Variants in PRPF8 observed in about 807,000 individuals in gnomAD.
PRPF8 encodes the protein pre-mRNA processing factor 8, also known as pre-mRNA-processing-splicing factor 8.
Under a neutral mutation model 285.9 loss-of-function variants are expected in PRPF8, and 64 were observed. That is an observed-to-expected ratio of 0.22 (90% CI 0.18 to 0.28). The LOEUF (loss-of-function observed/expected upper bound fraction) is 0.28, where lower values mean the gene tolerates loss of function less well. PRPF8 is among the 10% of genes least tolerant of loss of function. PRPF8 has a pLI of 1.00. For missense variants in PRPF8, 1,426 were observed against 3,026.7 expected (o/e 0.47, Z 12.41); for synonymous variants, 1,325 against 1,118.2 (o/e 1.18, Z -3.69).
chr17:1,684,449 G>T, intron 2 of PRPF8, 23 bp downstream of exon 2: 1 of 1,611,878 alleles, frequency 6.2e-7, no homozygotes, highest in Non-Finnish European at 8.5e-7. Flanking sequence ...CGGCCCGCGC[G>T]CCGCTCCACA....
chr17:1,675,147 C>G lies in PRPF8; in HGVS notation c.3060+5G>C. 6.2e-7 allele frequency: 1 copy of G among 1,613,188 alleles called. No individual in the cohort carries two copies. Among genetic ancestry groups the G allele is most frequent in the Non-Finnish European group, 8.5e-7 (1 of 1,180,016 alleles). On this transcript the variant is annotated splice_donor_5th_base_variant and intron_variant, in intron 20 of 42. Coordinates refer to ENST00000304992, the MANE Select transcript of PRPF8 (RefSeq NM_006445.4). The surrounding 1 kb of genome is among the most constrained non-coding windows in gnomAD (Gnocchi z 6.0). Reference sequence around the variant, plus strand: ...CAATTCCATGCTACTGCGCCTGAGACGCACCTTATAGTTGATGACGACGTT... The same window carrying G: ...CAATTCCATGCTACTGCGCCTGAGAGGCACCTTATAGTTGATGACGACGTT...
chr17:1,655,972 G>A (rs566036705), intron 36 of PRPF8, among the ~76,000 whole-genome samples: 467 of 142,588 alleles, frequency 3.3e-3, no homozygotes, highest in African/African-American at 0.011. Context: ...CCAGGCTGGA[G>A]TGCAATGGTG....
rs766407266 is a variant in PRPF8 at position 1,650,844 on chromosome 17, C to G, written c.6966G>C (p.Glu2322Asp). 4 of 1,614,176 alleles carry G rather than the reference C, an allele frequency of 2.5e-6. No homozygotes were observed. Among genetic ancestry groups the G allele is most frequent in the South Asian group, 2.2e-5 (2 of 91,080 alleles). ...CCCGATCCGCAGAGTAAACCTCCCC[C>G]TCCTGCAGGAGAGCAAAGTTGAGGA... ...SHFLNFALLQ[E>D]GEVYSADRED... The change falls in exon 43 of 43, where the codon GAG becomes GAC. Residue 2322 changes from glutamate to aspartate, a missense_variant. By Grantham distance (45) the Glu-to-Asp change is conservative (BLOSUM62 2). This residue lies in a region of PRPF8 where 59 missense variants were observed against 58.6 expected (regional missense o/e 1.01). Coordinates refer to ENST00000304992, the MANE Select transcript of PRPF8 (RefSeq NM_006445.4).
chr17:1,680,218 A>T (rs991868757), intron 8 of PRPF8, among the ~76,000 whole-genome samples: 3 of 152,226 alleles, frequency 2.0e-5, no homozygotes, highest in African/African-American at 7.2e-5. Flanking sequence ...ATCATATGAA[A>T]TGTGTAGAAT....
chr17:1,677,821 G>T, intron 13 of PRPF8, 127 bp from the exon 14 acceptor site: 1 of 1,263,322 alleles, frequency 7.9e-7, no homozygotes, highest in East Asian at 2.4e-5. Flanking sequence ...GGCAGTAGAG[G>T]GGTAAAAAGA....
At position 1,679,414 on chromosome 17, in the gene PRPF8, G is replaced by C; in HGVS notation, c.1290-4C>G. The C allele has an allele frequency of 1.2e-6, 2 of 1,612,036 alleles. No homozygotes were observed. The highest frequency in any genetic ancestry group is 1.7e-6 in the Non-Finnish European group (2 of 1,179,954). On this transcript the variant is annotated splice_polypyrimidine_tract_variant and splice_region_variant and intron_variant, in intron 9 of 42. Coordinates refer to ENST00000304992, the MANE Select transcript of PRPF8 (RefSeq NM_006445.4). The surrounding 1 kb of genome is among the most constrained non-coding windows in gnomAD (Gnocchi z 4.7). ...GGCAGGACAATGCTCCCGATACCTGGAAAAATAAGCCCACCAGAGTTTGGC... is the reference window on the plus strand; with the variant it reads ...GGCAGGACAATGCTCCCGATACCTGCAAAAATAAGCCCACCAGAGTTTGGC...
At chr17:1,662,830 CAA>C (rs541846587) in intron 24 of PRPF8, among the ~76,000 whole-genome samples, 20 of 81,102 alleles carry the variant, frequency 2.5e-4, no homozygotes, top group Admixed American at 4.5e-4. Context: ...GACTGTGTCT[CAA>C]AAAAAAAAAA....
chr17:1,684,440 G>C, intron 2 of PRPF8, 32 bp downstream of exon 2: 1 of 1,610,512 alleles, frequency 6.2e-7, no homozygotes, highest in Non-Finnish European at 8.5e-7. Context: ...CCCCGCCTCC[G>C]GCCCGCGCGC....
intron 34 of PRPF8, among the ~76,000 whole-genome samples, chr17:1,657,896 G>A (rs75690272): frequency 0.045 from 6,780 of 150,978 alleles, 412 homozygotes; most frequent in African/African-American, 0.14. Context: ...GCGTGAACCC[G>A]GGAGGCGGAG....
At chr17:1,654,281 C>A (rs562399370) in intron 37 of PRPF8, 4 of 597,064 alleles carry the variant, frequency 6.7e-6, no homozygotes, top group Non-Finnish European at 1.2e-5. Context: ...CAAAACAATG[C>A]TCTGGCATGG....
intron 24 of PRPF8, among the ~76,000 whole-genome samples, chr17:1,671,988 C>T (rs1157773828): frequency 6.6e-6 from 1 of 151,952 alleles, no homozygotes; most frequent in Non-Finnish European, 1.5e-5. Flanking sequence ...CACTGCCCTT[C>T]AGCCTAAGTG....
chr17:1,654,399 G>A (rs77720534), intron 37 of PRPF8: 12,730 of 383,118 alleles, frequency 0.033, 1,498 homozygotes, highest in African/African-American at 0.24. Flanking sequence ...CGATGACAGG[G>A]AGGGAGACGA....
At position 1,679,566 on chromosome 17, in the gene PRPF8, A is replaced by G; in HGVS notation, c.1289+43T>C. On this transcript the variant is annotated intron_variant, in intron 9 of 42. Transcript: ENST00000304992. The surrounding 1 kb of genome is among the most constrained non-coding windows in gnomAD (Gnocchi z 4.7). Reference sequence around the variant, plus strand: ...CCACCTAGTTGGAGTCTTTTCTCCTACACATCCACTATCATTCCCCCTGCC... The same window carrying G: ...CCACCTAGTTGGAGTCTTTTCTCCTGCACATCCACTATCATTCCCCCTGCC... 1 of 1,610,384 alleles carries G rather than the reference A, an allele frequency of 6.2e-7. No homozygotes were observed. Among genetic ancestry groups the G allele is most frequent in the Non-Finnish European group, 8.5e-7 (1 of 1,178,904 alleles).
intron 24 of PRPF8, among the ~76,000 whole-genome samples, chr17:1,668,447 T>C (rs1400626768): frequency 6.7e-6 from 1 of 149,970 alleles, no homozygotes; most frequent in Non-Finnish European, 1.5e-5. Context: ...CTGCAAGCTC[T>C]GCCTCCCAGG....
At chr17:1,684,370 A>C in intron 2 of PRPF8, 102 bp downstream of exon 2, 1 of 1,123,912 alleles carries the variant, frequency 8.9e-7, no homozygotes, top group Non-Finnish European at 1.3e-6. Flanking sequence ...AAGGGAGCTG[A>C]CACCTCAGGA....
At chr17:1,681,455 A>T (rs972073276) in intron 6 of PRPF8, 23 bp downstream of exon 6, 5 of 1,545,052 alleles carry the variant, frequency 3.2e-6, no homozygotes, top group African/African-American at 1.4e-5. Context: ...AAATGTCTAA[A>T]ATCCCTAATC....
In PRPF8 at chr17:1,658,193, C is replaced by T; in HGVS notation, c.5505+60G>A. The T allele has an allele frequency of 6.2e-7, 1 of 1,611,764 alleles. No individual in the cohort carries two copies. The highest frequency in any genetic ancestry group is 2.2e-5 in the East Asian group (1 of 44,882). ...AATAAACCAGTAAATATTACCAAGT[C>T]CACCCCAAGAATAAGAGGCAACATG... is the stretch of plus-strand genomic sequence containing the variant. On this transcript the variant is annotated intron_variant, in intron 34 of 42. Coordinates refer to ENST00000304992, the MANE Select transcript of PRPF8 (RefSeq NM_006445.4). The surrounding 1 kb of genome is among the most constrained non-coding windows in gnomAD (Gnocchi z 4.1).
intron 24 of PRPF8, among the ~76,000 whole-genome samples, chr17:1,662,377 C>T (rs1051272069): frequency 1.3e-5 from 2 of 151,734 alleles, no homozygotes; most frequent in Non-Finnish European, 2.9e-5. Flanking sequence ...CTGCTTGAGC[C>T]CGGGAGTTGG....
Position 1,681,057 on chromosome 17 carries a change from AGG to A in PRPF8, c.867-5_867-4del. 1 of 1,612,778 alleles carries A rather than the reference AGG, an allele frequency of 6.2e-7. No homozygotes were observed. Among genetic ancestry groups the A allele is most frequent in the East Asian group, 2.2e-5 (1 of 44,866 alleles). ...TGAATTCATTCCAGTCTTCATCCCT[AGG>A]GTACAACATCAAGAATAAGCAGACT... On this transcript the variant is annotated splice_region_variant and splice_polypyrimidine_tract_variant and intron_variant, in intron 6 of 42. Coordinates refer to ENST00000304992, the MANE Select transcript of PRPF8 (RefSeq NM_006445.4).
Sources: gnomAD v4.1 joint callset for allele counts (sites outside exome capture counted in the v4.1 genomes callset) on GRCh38, gnomAD v4.1.1 for gene constraint, gnomAD v4.1.1 regional missense constraint, Gnocchi (gnomAD v3.1) non-coding constraint, MANE v1.5 for transcripts, NCBI Gene and HGNC (gene_info 2026-07-23, HGNC 2026-07-21) for gene names.